The following CHM variants were observed in gnomAD, a reference collection of about 807,000 sequenced individuals.
CHM encodes rab proteins geranylgeranyltransferase component A 1.
In CHM, 10 loss-of-function variants were observed where a neutral mutation model predicts 49.0. The ratio of observed to expected loss-of-function variants is 0.20; its 90% CI spans 0.13 to 0.35. The LOEUF is 0.35. CHM is among the 10% of genes least tolerant of loss of function. CHM has a pLI of 1.00. For missense variants in CHM, 455 were observed against 478.4 expected, an observed-to-expected ratio of 0.95 and a Z score of 0.46; for synonymous variants, 184 against 167.5, an observed-to-expected ratio of 1.10 and a Z score of -0.76.
chrX:85,972,026 C>T (rs1399505067), intron 4 of CHM, among the ~76,000 whole-genome samples: 1 of 110,063 alleles, frequency 9.1e-6, no homozygotes, highest in Non-Finnish European at 1.9e-5. Context: ...TTCTCCAAGG[C>T]CCCACCAGAG....
chrX:85,949,688 C>T (rs1257909193), intron 8 of CHM, among the ~76,000 whole-genome samples: 3 of 109,979 alleles, frequency 2.7e-5, no homozygotes, highest in African/African-American at 1.0e-4. Context: ...ACAGATCCAT[C>T]ATATTCGGAA....
rs1929642413 is a variant in CHM, at chrX:85,949,978, A to AT, written c.1166+6174_1166+6175insA. 3.0e-4 allele frequency among the ~76,000 whole-genome samples: 13 copies of AT among 42,799 alleles called. No individual in the cohort carries two copies. The East Asian group carries it at 9.3e-3, about 31-fold the overall frequency. The allele number at this position is 42,799 out of a possible 115,157, so 37.2% of individuals were successfully genotyped here. ...CTTTGAGCAATAAACACTGAAATTA[A>AT]ATATATATATATATATATATATATA... On this transcript the variant is annotated intron_variant, in intron 8 of 14. Coordinates refer to ENST00000357749, the MANE Select transcript of CHM (RefSeq NM_000390.4).
At position 85,933,528 on chromosome X, in the gene CHM, A is replaced by G. The variant is rs186505877; in HGVS notation, c.1167-22190T>C. Among the ~76,000 whole-genome samples the G allele has an allele frequency of 9.8e-3, 1,096 of 112,341 alleles. 12 individuals are homozygous for G. Among genetic ancestry groups the G allele is most frequent in the African/African-American group, 0.033 (1,017 of 30,956 alleles). ...CACACTATGCCTATATACACTTTGC[A>G]GACTTTTATAATACAAGAAGTTAAA... On this transcript the variant is annotated intron_variant, in intron 8 of 14. Coordinates refer to ENST00000357749, the MANE Select transcript of CHM (RefSeq NM_000390.4).
In CHM at chrX:85,873,199, T is replaced by C; in HGVS notation, c.1623A>G (p.Val541=). 1 of 1,175,205 alleles carries C rather than the reference T, an allele frequency of 8.5e-7. No individual in the cohort carries two copies. Among genetic ancestry groups the C allele is most frequent in the Non-Finnish European group, 1.2e-6 (1 of 867,837 alleles). Residue 541 remains valine, a synonymous_variant, in exon 14 of 15, where the codon GTA becomes GTG. Coordinates refer to ENST00000357749, the MANE Select transcript of CHM (RefSeq NM_000390.4). ...GAGCCCACAGAATTCTTGGCTTTTC[T>C]ACTTGTTCATTTTCTAAATATAGAA... The part of the protein sequence containing the change: ...YTEMEIENEQ[V]EKPRILWALY...
At chrX:85,981,015 C>A (rs1192309619) in intron 3 of CHM, among the ~76,000 whole-genome samples, 1 of 106,322 alleles carries the variant, frequency 9.4e-6, no homozygotes, top group African/African-American at 3.4e-5. Context: ...TCTTTTTTTT[C>A]AAAAAAGGTT....
chrX:85,904,270 G>A (rs1926461370), intron 9 of CHM, among the ~76,000 whole-genome samples: 2 of 111,084 alleles, frequency 1.8e-5, no homozygotes, highest in African/African-American at 6.5e-5. Context: ...AACGTAACAG[G>A]TGTCTCCAGT....
intron 8 of CHM, among the ~76,000 whole-genome samples, chrX:85,932,792 C>G (rs1928513825): frequency 9.0e-6 from 1 of 111,692 alleles, no homozygotes; most frequent in Non-Finnish European, 1.9e-5. Context: ...TGCCCCACCA[C>G]AATGCATGGA....
intron 2 of CHM, among the ~76,000 whole-genome samples, chrX:85,997,676 G>A (rs1460805869): frequency 3.6e-5 from 4 of 111,330 alleles, no homozygotes; most frequent in Admixed American, 2.9e-4. Flanking sequence ...CTGGCTGGGG[G>A]CGGTGGCGGT....
intron 12 of CHM, among the ~76,000 whole-genome samples, chrX:85,892,294 A>G (rs1465346703): frequency 9.2e-6 from 1 of 108,978 alleles, no homozygotes; most frequent in Non-Finnish European, 1.9e-5. Context: ...GGCCAGGGGC[A>G]GAATGATATG....
chrX:86,007,333 TC>T (rs1261009795), intron 2 of CHM, among the ~76,000 whole-genome samples: 2 of 111,738 alleles, frequency 1.8e-5, no homozygotes, highest in African/African-American at 6.5e-5. Context: ...GCAATACCAT[TC>T]AAGACATAGG....
chrX:85,962,199 T>C (rs944471435), intron 5 of CHM, among the ~76,000 whole-genome samples: 1 of 112,498 alleles, frequency 8.9e-6, no homozygotes, highest in African/African-American at 3.2e-5. Flanking sequence ...TATGTTTTGT[T>C]TAACCTATTT....
intron 2 of CHM, among the ~76,000 whole-genome samples, chrX:86,016,831 G>A (rs997121287): frequency 9.0e-6 from 1 of 111,599 alleles, no homozygotes; most frequent in Non-Finnish European, 1.9e-5. Context: ...GTAGATCCAC[G>A]GACAGCTTGC....
intron 8 of CHM, among the ~76,000 whole-genome samples, chrX:85,912,678 G>C (rs1367377356): frequency 9.0e-6 from 1 of 111,311 alleles, no homozygotes; most frequent in Non-Finnish European, 1.9e-5. Flanking sequence ...GAGACTGGGA[G>C]ATTATTCTGG....
chrX:86,003,075 A>C (rs2147751131), intron 2 of CHM, among the ~76,000 whole-genome samples: 1 of 111,968 alleles, frequency 8.9e-6, no homozygotes, highest in African/African-American at 3.2e-5. Context: ...GTTCTACAAT[A>C]ATTGCTGTTG....
At chrX:85,941,518 A>C (rs1347368762) in intron 8 of CHM, among the ~76,000 whole-genome samples, 1 of 111,983 alleles carries the variant, frequency 8.9e-6, no homozygotes, top group East Asian at 2.8e-4. Flanking sequence ...TACACTAGGC[A>C]TTGCATTGAG....
chrX:85,960,947 C>G (rs961868160), intron 5 of CHM, among the ~76,000 whole-genome samples: 4 of 111,522 alleles, frequency 3.6e-5, no homozygotes, highest in African/African-American at 1.3e-4. Context: ...CAGTATGACA[C>G]TATACGTATT....
chrX:85,944,518 C>T (rs528344246), intron 8 of CHM, among the ~76,000 whole-genome samples: 3 of 112,189 alleles, frequency 2.7e-5, no homozygotes, highest in African/African-American at 9.7e-5. Context: ...CTTTTCCATT[C>T]CCTCCATGTT....
chrX:85,953,661 T>A (rs762953112), intron 8 of CHM, among the ~76,000 whole-genome samples: 1 of 111,886 alleles, frequency 8.9e-6, no homozygotes, highest in Non-Finnish European at 1.9e-5. Flanking sequence ...GCCAAGAATA[T>A]ACACTGGGTA....
chrX:85,997,736 G>T (rs1268807241), intron 2 of CHM, among the ~76,000 whole-genome samples: 1 of 111,223 alleles, frequency 9.0e-6, no homozygotes, highest in East Asian at 2.8e-4. Flanking sequence ...AATCACTTGA[G>T]ATCAGGAGTT....
Sources: allele counts gnomAD v4.1 joint callset (sites outside exome capture counted in the v4.1 genomes callset), GRCh38; gene constraint gnomAD v4.1.1; transcripts MANE v1.5; gene names NCBI Gene and HGNC (gene_info 2026-07-23, HGNC 2026-07-21).